Variants in DCC observed in about 807,000 individuals in gnomAD.
DCC encodes the protein netrin receptor DCC.
In DCC, 58 loss-of-function variants were observed where a neutral mutation model predicts 172.5. The observed-to-expected ratio is 0.34, with a 90% CI of 0.27 to 0.42. The LOEUF is 0.42. DCC is among the 10% of genes least tolerant of loss of function. The pLI is 1.00. For synonymous variants in DCC, 709 were observed against 644.5 expected, an observed-to-expected ratio of 1.10 and a Z score of -1.52; for missense variants, 1,740 against 1,791.0, an observed-to-expected ratio of 0.97 and a Z score of 0.51.
chr18:52,522,602 C>A (rs903839924), intron 1 of DCC, among the ~76,000 whole-genome samples: 1 of 152,268 alleles, frequency 6.6e-6, no homozygotes, highest in Non-Finnish European at 1.5e-5. Context: ...AATTGGCAAC[C>A]TTTCTCTAAG....
chr18:52,922,356 G>A (rs2040139419), intron 3 of DCC, among the ~76,000 whole-genome samples: 1 of 152,102 alleles, frequency 6.6e-6, no homozygotes, highest in African/African-American at 2.4e-5. Context: ...GTGGAGTTGG[G>A]TCAGGCTAAT....
intron 1 of DCC, among the ~76,000 whole-genome samples, chr18:52,692,112 C>G (rs1029556520): frequency 6.6e-6 from 1 of 152,112 alleles, no homozygotes; most frequent in African/African-American, 2.4e-5. Context: ...GTTTGAGAAG[C>G]AACCTCAGGG....
chr18:52,485,313 G>C (rs1466636787), intron 1 of DCC, among the ~76,000 whole-genome samples: 1 of 152,070 alleles, frequency 6.6e-6, no homozygotes, highest in Non-Finnish European at 1.5e-5. Context: ...AAAAACCATA[G>C]AATACCTCAG....
intron 21 of DCC, among the ~76,000 whole-genome samples, chr18:53,430,260 A>C (rs544582525): frequency 6.6e-6 from 1 of 152,146 alleles, no homozygotes; most frequent in African/African-American, 2.4e-5. Context: ...TTAGATGGCC[A>C]GTCTGTCCAT....
intron 1 of DCC, among the ~76,000 whole-genome samples, chr18:52,490,254 T>G (rs1362319868): frequency 1.3e-5 from 2 of 152,128 alleles, no homozygotes; most frequent in Non-Finnish European, 2.9e-5. Flanking sequence ...TCTCTTATGC[T>G]GCAGTGAGGC....
Position 52,692,096 on chromosome 18 carries a change from A to C in DCC, c.92-59958A>C, listed in dbSNP as rs141740602. Reference sequence around the variant, plus strand: ...TAGTGATGTGAGCTTGTGGGGATTGATAATAGTTTGAGAAGCAACCTCAGG... The same window carrying C: ...TAGTGATGTGAGCTTGTGGGGATTGCTAATAGTTTGAGAAGCAACCTCAGG... On this transcript the variant is annotated intron_variant, in intron 1 of 28. Transcript: ENST00000442544. 2.2e-4 allele frequency among the ~76,000 whole-genome samples: 34 copies of C among 152,268 alleles called. No homozygotes were observed. In the East Asian group the frequency reaches 6.0e-3, roughly 27 times the overall value.
intron 1 of DCC, among the ~76,000 whole-genome samples, chr18:52,623,586 C>T (rs2034520342): frequency 6.6e-6 from 1 of 152,208 alleles, no homozygotes; most frequent in Admixed American, 6.5e-5. Flanking sequence ...AATCTCATTA[C>T]ACAGTTTCTC....
intron 2 of DCC, among the ~76,000 whole-genome samples, chr18:52,773,522 T>TATCTATCTATCTATCTATCTATCTATC (rs1568093891): frequency 4.4e-4 from 67 of 151,488 alleles, no homozygotes; most frequent in African/African-American, 1.5e-3. Context: ...ATCTATCTAT[T>TATCTATCTATCTATCTATCTATCTATC]TATCTATCTA....
At chr18:52,905,323 A>G (rs1230743290) in intron 2 of DCC, among the ~76,000 whole-genome samples, 1 of 152,322 alleles carries the variant, frequency 6.6e-6, no homozygotes, top group Middle Eastern at 3.4e-3. Flanking sequence ...TGAATTAGAT[A>G]TTACCCCATT....
intron 7 of DCC, among the ~76,000 whole-genome samples, chr18:53,119,637 A>G (rs1598821194): frequency 6.6e-6 from 1 of 152,022 alleles, no homozygotes; most frequent in East Asian, 1.9e-4. Flanking sequence ...AGCTATTTTC[A>G]TTGGGGGTTC....
intron 15 of DCC, among the ~76,000 whole-genome samples, chr18:53,360,088 G>T (rs2144929149): frequency 6.6e-6 from 1 of 152,124 alleles, no homozygotes; most frequent in Admixed American, 6.5e-5. Flanking sequence ...ATAATTTAAA[G>T]AAATTAACCT....
chr18:52,835,980 C>T lies in DCC; in HGVS notation c.413-70064C>T, dbSNP rs1048023919. On this transcript the variant is annotated intron_variant, in intron 2 of 28. Transcript: ENST00000442544. ...TTATAAAGGAAAAAGGTTTAATTGA[C>T]TCACAAGGGAGGCCTCAGGAAACTT... 7.9e-5 allele frequency among the ~76,000 whole-genome samples: 12 copies of T among 152,260 alleles called. No homozygotes were observed. The East Asian group carries it at 2.1e-3, about 27-fold the overall frequency.
chr18:53,066,014 A>G (rs544155171), intron 6 of DCC, 32 bp from the exon 7 acceptor site: 13 of 1,611,080 alleles, frequency 8.1e-6, no homozygotes, highest in Admixed American at 3.3e-5. Flanking sequence ...TTTGCTTTCT[A>G]AAATACTTTA....
intron 1 of DCC, among the ~76,000 whole-genome samples, chr18:52,373,290 C>A (rs1247091340): frequency 6.6e-6 from 1 of 152,036 alleles, no homozygotes; most frequent in African/African-American, 2.4e-5. Context: ...AAGTGACCAA[C>A]AATGAATCTG....
intron 12 of DCC, among the ~76,000 whole-genome samples, chr18:53,222,820 A>G (rs1267045352): frequency 6.6e-6 from 1 of 152,156 alleles, no homozygotes; most frequent in Non-Finnish European, 1.5e-5. Flanking sequence ...TGTTTTTTCT[A>G]CAAAAACATT....
chr18:53,171,773 A>G (rs1238475113), intron 8 of DCC, among the ~76,000 whole-genome samples: 2 of 152,100 alleles, frequency 1.3e-5, no homozygotes, highest in South Asian at 2.1e-4. Flanking sequence ...ATATGAAAAA[A>G]CTGCTCAACA....
chr18:53,216,888 C>A (rs968390869), intron 12 of DCC, among the ~76,000 whole-genome samples: 18 of 152,094 alleles, frequency 1.2e-4, no homozygotes, highest in Non-Finnish European at 2.6e-4. Flanking sequence ...AACAACACTG[C>A]TTTAGAGATG....
At chr18:53,135,186 C>T (rs550570322) in intron 7 of DCC, among the ~76,000 whole-genome samples, 53 of 152,142 alleles carry the variant, frequency 3.5e-4, no homozygotes, top group African/African-American at 1.1e-3. Context: ...AAAACTATGC[C>T]GCTCTCTTGG....
At chr18:53,061,961 A>G (rs574912073) in intron 5 of DCC, among the ~76,000 whole-genome samples, 58 of 152,248 alleles carry the variant, frequency 3.8e-4, no homozygotes, top group African/African-American at 1.3e-3. Flanking sequence ...AACTGTTTCC[A>G]TATATTCAAC....
Sources: gnomAD v4.1 joint callset for allele counts (sites outside exome capture counted in the v4.1 genomes callset) on GRCh38, gnomAD v4.1.1 for gene constraint, MANE v1.5 for transcripts, NCBI Gene and HGNC (gene_info 2026-07-23, HGNC 2026-07-21) for gene names.